CLIC2: variants seen among roughly 807,000 people sequenced by gnomAD.
CLIC2 encodes the protein chloride intracellular channel protein 2.
Under a neutral mutation model 14.8 loss-of-function variants are expected in CLIC2, and 9 were observed. The ratio of observed to expected loss-of-function variants is 0.61; its 90% CI spans 0.37 to 1.06. The LOEUF is 1.06. Ranked by LOEUF, CLIC2 falls within the 50% of genes least tolerant of loss-of-function variation. The pLI is 0.01. For missense variants in CLIC2, 148 were observed against 181.4 expected (o/e 0.82, Z 1.06); for synonymous variants, 61 against 66.3 (o/e 0.92, Z 0.39).
rs190307401 is a variant in CLIC2, at chrX:155,306,158, A to G, written c.58-7013T>C. The stretch of plus-strand genomic sequence containing the variant: ...ATCTCATGTTGAAATGTAATCTCCA[A>G]TGTTGGAGGTGGGGCCTGGTAGGAG... On this transcript the variant is annotated intron_variant, in intron 1 of 5. Transcript: ENST00000369449. 4.1e-3 allele frequency among the ~76,000 whole-genome samples: 457 copies of G among 111,830 alleles called. 3 individuals carry two copies. Among genetic ancestry groups the G allele is most frequent in the Non-Finnish European group, 4.1e-3 (216 of 53,157 alleles).
At chrX:155,323,434 A>G (rs1300175979) in intron 1 of CLIC2, among the ~76,000 whole-genome samples, 1 of 112,296 alleles carries the variant, frequency 8.9e-6, no homozygotes, top group Non-Finnish European at 1.9e-5. Context: ...CAAAAACCAC[A>G]TTATTGTCTC....
At chrX:155,316,511 T>C (rs1036644271) in intron 1 of CLIC2, among the ~76,000 whole-genome samples, 1 of 111,344 alleles carries the variant, frequency 9.0e-6, no homozygotes, top group African/African-American at 3.3e-5. Context: ...TCCTGAATGA[T>C]TGTTGGGTCA....
intron 1 of CLIC2, among the ~76,000 whole-genome samples, chrX:155,305,283 G>T (rs1267610972): frequency 8.9e-6 from 1 of 112,225 alleles, no homozygotes; most frequent in Non-Finnish European, 1.9e-5. Context: ...GTGGTGCGCC[G>T]TTTTTTAAGC....
At chrX:155,302,468 CT>C (rs2075023744) in intron 1 of CLIC2, among the ~76,000 whole-genome samples, 2 of 106,707 alleles carry the variant, frequency 1.9e-5, no homozygotes, top group Admixed American at 1.0e-4. Flanking sequence ...ATTCTTCTCT[CT>C]TTTTTTCTTT....
rs781965778 is a variant in CLIC2, at chrX:155,276,386, C to G, written c.*1517G>C. The stretch of plus-strand genomic sequence containing the variant: ...ATTTCTTTGTGGTGACATTTAAAAA[C>G]CTGCTTTTCTAGCTATCTTGAAATA... On this transcript the variant is annotated 3_prime_UTR_variant, in exon 6 of 6. Transcript: ENST00000369449. 4.5e-5 allele frequency: 5 copies of G among 111,870 alleles called. No individual in the cohort carries two copies. Among genetic ancestry groups the G allele is most frequent in the Non-Finnish European group, 9.4e-5 (5 of 53,072 alleles). The allele number at this position is 111,870 out of a possible 1,213,427, so 9.2% of individuals were successfully genotyped here. A position where few individuals can be genotyped will look rare whatever the true frequency, so the allele number is the denominator to read the frequency against.
At chrX:155,295,204 T>C (rs1360975388) in intron 3 of CLIC2, among the ~76,000 whole-genome samples, 1 of 111,725 alleles carries the variant, frequency 9.0e-6, no homozygotes, top group African/African-American at 3.2e-5. Context: ...GATACAAGAA[T>C]GGTTCAACAT....
chrX:155,332,440 T>G (rs987353620), intron 1 of CLIC2, among the ~76,000 whole-genome samples: 2 of 111,698 alleles, frequency 1.8e-5, no homozygotes, highest in East Asian at 5.6e-4. Context: ...TGTCATTAGA[T>G]AAGCTTACAT....
chrX:155,304,369 G>A (rs868950610), intron 1 of CLIC2, among the ~76,000 whole-genome samples: 5 of 100,150 alleles, frequency 5.0e-5, no homozygotes, highest in African/African-American at 1.1e-4. Flanking sequence ...CCAGTTCATC[G>A]CTTTGGCTCC....
intron 1 of CLIC2, among the ~76,000 whole-genome samples, chrX:155,331,030 AG>A (rs2124225287): frequency 9.0e-6 from 1 of 111,358 alleles, no homozygotes; most frequent in African/African-American, 3.2e-5. Context: ...GATGTGACAA[AG>A]AAAATGATAT....
chrX:155,293,734 G>A (rs1200760051), intron 3 of CLIC2, among the ~76,000 whole-genome samples: 3 of 110,991 alleles, frequency 2.7e-5, no homozygotes, highest in East Asian at 2.8e-4. Context: ...TCACACAAAC[G>A]GAAACCAAAA....
chrX:155,290,470 T>C, intron 3 of CLIC2: 1 of 524,681 alleles, frequency 1.9e-6, no homozygotes, highest in South Asian at 2.7e-5. Context: ...TGAAGTCAAC[T>C]AATCCTCATT....
intron 1 of CLIC2, among the ~76,000 whole-genome samples, chrX:155,312,297 C>A (rs1557320675): frequency 9.0e-6 from 1 of 111,590 alleles, no homozygotes; most frequent in African/African-American, 3.3e-5. Flanking sequence ...TGCAGTTTTG[C>A]ATTTTGCATT....
In CLIC2 at chrX:155,299,163, G is replaced by A; in HGVS notation, c.58-18C>T. On this transcript the variant is annotated intron_variant, in intron 1 of 5. Transcript: ENST00000369449. The stretch of plus-strand genomic sequence containing the variant: ...CTTCCAGCCTATTAAGATAAAGAGA[G>A]ACCTCAGTTCATTTGTTTGTTCAAT... The A allele has an allele frequency of 2.7e-5, 30 of 1,126,787 alleles. No homozygotes were observed. The highest frequency in any genetic ancestry group is 3.7e-5 in the Non-Finnish European group (30 of 819,039). The allele number at this position is 1,126,787 out of a possible 1,213,427, so 92.9% of individuals were successfully genotyped here. A position where few individuals can be genotyped will look rare whatever the true frequency, so the allele number is the denominator to read the frequency against.
At chrX:155,332,220 C>T (rs1478224196) in intron 1 of CLIC2, among the ~76,000 whole-genome samples, 1 of 111,805 alleles carries the variant, frequency 8.9e-6, no homozygotes, top group Non-Finnish European at 1.9e-5. Context: ...AGTATAAATT[C>T]TTAATTGTGA....
At position 155,279,264 on chromosome X, in the gene CLIC2, T is replaced by C. The variant is rs201129114; in HGVS notation, c.467A>G (p.Asp156Gly). Residue 156 changes from aspartate (D) to glycine (G), a missense_variant, in exon 5 of 6, where the codon GAT (aspartate) becomes GGT (glycine). Asp to Gly is a moderately conservative substitution (Grantham distance 94). Transcript: ENST00000369449. ...CTCAGCACTGTCTGGATCAATTTCA[T>C]CCAGAAGTGGGGTGTTTAAGTAGTC... ...LDDYLNTPLL[D>G]EIDPDSAEEP... 19 of 1,208,421 alleles carry C rather than the reference T, an allele frequency of 1.6e-5. No individual in the cohort carries two copies. In the East Asian group the frequency reaches 4.4e-4, roughly 28 times the overall value.
At chrX:155,303,225 G>A (rs2075028051) in intron 1 of CLIC2, among the ~76,000 whole-genome samples, 1 of 54,559 alleles carries the variant, frequency 1.8e-5, no homozygotes, top group South Asian at 1.7e-3. Flanking sequence ...AAGTCTCTTT[G>A]TAGGTCACTC....
At chrX:155,298,607 T>C (rs1486798302) in intron 3 of CLIC2, among the ~76,000 whole-genome samples, 178 bp downstream of exon 3, 1 of 112,504 alleles carries the variant, frequency 8.9e-6, no homozygotes, top group African/African-American at 3.2e-5. Context: ...ATTTGAAATA[T>C]TACACATATC....
chrX:155,290,367 A>C, intron 3 of CLIC2: 89 of 386,787 alleles, frequency 2.3e-4, no homozygotes, highest in East Asian at 3.3e-4. Context: ...AATCAGTAGT[A>C]GCTTCATTTT....
At chrX:155,287,388 C>A (rs1557317181) in intron 3 of CLIC2, among the ~76,000 whole-genome samples, 1 of 111,250 alleles carries the variant, frequency 9.0e-6, no homozygotes, top group East Asian at 2.8e-4. Context: ...GGCTGGAGTG[C>A]AATGACGTGA....
Sources: gnomAD v4.1 joint callset for allele counts (sites outside exome capture counted in the v4.1 genomes callset) on GRCh38, gnomAD v4.1.1 for gene constraint, MANE v1.5 for transcripts, NCBI Gene and HGNC (gene_info 2026-07-23, HGNC 2026-07-21) for gene names.